Variants in AOX1 observed in about 807,000 individuals in gnomAD.
The protein encoded by AOX1 is aldehyde oxidase 1.
A neutral mutation model predicts 169.5 loss-of-function variants in AOX1; 153 were observed. The ratio of observed to expected loss-of-function variants is 0.90; its 90% confidence interval spans 0.79 to 1.03. The LOEUF (loss-of-function observed/expected upper bound fraction) is 1.03. Ranked by LOEUF, AOX1 falls within the 50% of genes least tolerant of loss-of-function variation. The pLI is 0.00. For synonymous variants in AOX1, 562 were observed against 581.9 expected (o/e 0.97, Z 0.49); for missense variants, 1,656 against 1,663.9 (o/e 1.00, Z 0.08).
At chr2:200,595,081 A>C (rs913841226) in intron 2 of AOX1, among the ~76,000 whole-genome samples, 191 bp from the exon 3 acceptor site, 2 of 152,214 alleles carry the variant, frequency 1.3e-5, no homozygotes, top group Admixed American at 1.3e-4. Flanking sequence ...AACACACAAA[A>C]GGAAATCAAG....
intron 14 of AOX1, 100 bp downstream of exon 14, chr2:200,612,893 TGTTCC>T: frequency 1.1e-6 from 1 of 903,588 alleles, no homozygotes; most frequent in Non-Finnish European, 1.7e-6. Context: ...AGAAGAAAAG[TGTTCC>T]ATACCTTTCT....
Position 200,613,003 on chromosome 2 carries a change from CGTGT to C in AOX1, c.1448+232_1448+235del, listed in dbSNP as rs745607427. On this transcript the variant is annotated intron_variant, in intron 14 of 34. Coordinates refer to ENST00000374700, the MANE Select transcript of AOX1 (RefSeq NM_001159.4). ...AAGTGGGAATTATATACTCTGTGTG[CGTGT>C]GTGTGTGTGTGTGTGTGTGTGAGAG... is the stretch of plus-strand genomic sequence containing the variant. Among the ~76,000 whole-genome samples the C allele has an allele frequency of 3.6e-3, 516 of 144,210 alleles. 2 individuals are homozygous for C. The highest frequency in any genetic ancestry group is 0.01 in the Middle Eastern group (3 of 286). 94.6% of individuals were successfully genotyped at this position (144,210 alleles called of 152,430 possible).
intron 12 of AOX1, among the ~76,000 whole-genome samples, 196 bp downstream of exon 12, chr2:200,609,610 T>TTTTG (rs367715404): frequency 6.6e-6 from 1 of 152,180 alleles, no homozygotes; most frequent in Non-Finnish European, 1.5e-5. Context: ...CTTTCTGGTT[T>TTTTG]TTTGTTTGTT....
chr2:200,638,310 C>T lies in AOX1; in HGVS notation c.2568+8C>T, dbSNP rs780306436. 1.2e-6 allele frequency: 2 copies of T among 1,612,038 alleles called. No individual in the cohort carries two copies. The highest frequency in any genetic ancestry group is 2.2e-5 in the South Asian group (2 of 91,008). Reference sequence around the variant, plus strand: ...TACCTTGGAAAGTACAAAGTGAGTACAAGAGGGCATGGAGGAAGGATTTAT... The same window carrying T: ...TACCTTGGAAAGTACAAAGTGAGTATAAGAGGGCATGGAGGAAGGATTTAT... On this transcript the variant is annotated splice_region_variant and intron_variant, in intron 23 of 34. Coordinates refer to ENST00000374700, the MANE Select transcript of AOX1 (RefSeq NM_001159.4).
chr2:200,619,488 C>T (rs945573989), intron 16 of AOX1, among the ~76,000 whole-genome samples: 3 of 152,198 alleles, frequency 2.0e-5, no homozygotes, highest in African/African-American at 7.2e-5. Context: ...GCAGGCCACT[C>T]CTCAGCCACA....
chr2:200,622,621 A>G (rs1427314502), intron 18 of AOX1, among the ~76,000 whole-genome samples: 1 of 152,172 alleles, frequency 6.6e-6, no homozygotes, highest in Admixed American at 6.5e-5. Context: ...CCTTTGCATA[A>G]ATGTTTACTA....
At chr2:200,600,129 C>T (rs1205178166) in intron 5 of AOX1, among the ~76,000 whole-genome samples, 2 of 152,186 alleles carry the variant, frequency 1.3e-5, no homozygotes, top group Non-Finnish European at 2.9e-5. Context: ...GTTACACCCC[C>T]AATAAGTGGA....
Position 200,595,328 on chromosome 2 carries a change from G to A in AOX1, c.160G>A (p.Val54Met). The change falls in exon 3 of 35, where the codon GTG becomes ATG. Residue 54 changes from valine (V) to methionine (M), a missense_variant. Transcript: ENST00000374700. ...CGGGGCGACT[V>M]MISRYNPITK... ...AGGAGGAGGCTGTGGTGCTTGTACA[G>A]TGATGATATCACGATACAACCCCAT... 6.2e-7 allele frequency: 1 copy of A among 1,613,026 alleles called. No homozygotes were observed. The highest frequency in any genetic ancestry group is 2.2e-5 in the East Asian group (1 of 44,874).
chr2:200,586,034 C>T lies in AOX1; in HGVS notation c.-75C>T, dbSNP rs1269385551. 6.6e-6 allele frequency: 10 copies of T among 1,522,122 alleles called. No homozygotes were observed. Among genetic ancestry groups the T allele is most frequent in the Admixed American group, 5.9e-5 (3 of 50,756 alleles). 94.3% of individuals were successfully genotyped at this position (1,522,122 alleles called of 1,614,324 possible). ...GCCCCACTCGGCGGGTCGGTGCCGC[C>T]GGGTCCCAGGTGCCCGCTACTTCCC... On this transcript the variant is annotated 5_prime_UTR_variant, in exon 1 of 35. Coordinates refer to ENST00000374700, the MANE Select transcript of AOX1 (RefSeq NM_001159.4).
At chr2:200,653,249 T>C (rs1014291389) in intron 26 of AOX1, among the ~76,000 whole-genome samples, 1 of 152,216 alleles carries the variant, frequency 6.6e-6, no homozygotes, top group African/African-American at 2.4e-5. Context: ...GAAGGCCACC[T>C]GGGAAACTGA....
intron 21 of AOX1, among the ~76,000 whole-genome samples, chr2:200,636,608 A>G (rs898735037): frequency 6.6e-6 from 1 of 152,196 alleles, no homozygotes; most frequent in Non-Finnish European, 1.5e-5. Flanking sequence ...GTACAAAAAT[A>G]TCTCACTGGT....
chr2:200,669,589 GGGGGTGTTCCT>G lies in AOX1; in HGVS notation c.3824_3834del (p.Leu1275ArgfsTer7), dbSNP rs1559264409. 1.9e-6 allele frequency: 3 copies of G among 1,613,942 alleles called. No individual in the cohort carries two copies. The highest frequency in any genetic ancestry group is 2.2e-5 in the East Asian group (1 of 44,866). On this transcript the variant is annotated frameshift_variant, in exon 34 of 35. Transcript: ENST00000374700. LOFTEE classifies it high-confidence loss of function. Reference sequence around the variant, plus strand: ...TTCCTTTCAAGGGTCTGGGAGAGTCGGGGGTGTTCCTGGGGTGTTCCGTGTTTTTCGCTATC... The same window carrying G: ...TTCCTTTCAAGGGTCTGGGAGAGTCGGGGGTGTTCCGTGTTTTTCGCTATC...
chr2:200,617,282 G>C (rs906407994), intron 16 of AOX1, among the ~76,000 whole-genome samples: 4 of 152,090 alleles, frequency 2.6e-5, no homozygotes, highest in African/African-American at 9.7e-5. Context: ...CACATTGCTA[G>C]AGCAACGTCA....
At chr2:200,654,956 C>T (rs1312355504) in intron 26 of AOX1, among the ~76,000 whole-genome samples, 1 of 152,208 alleles carries the variant, frequency 6.6e-6, no homozygotes. Context: ...ATCTGATAGA[C>T]ATGCTGTCTT....
chr2:200,659,350 G>A, intron 28 of AOX1, 57 bp downstream of exon 28: 1 of 1,564,016 alleles, frequency 6.4e-7, no homozygotes, highest in African/African-American at 1.4e-5. Flanking sequence ...CAAATACGTG[G>A]GTGGGTGGAG....
intron 15 of AOX1, among the ~76,000 whole-genome samples, chr2:200,615,439 C>G (rs1212090924): frequency 1.3e-5 from 2 of 152,200 alleles, no homozygotes; most frequent in Non-Finnish European, 2.9e-5. Flanking sequence ...TGACTCACTT[C>G]CCTCAGTCCT....
rs67071824 is a variant in AOX1 at position 200,657,161 on chromosome 2, C to CAAAAAAAAAAAAA, written c.3171+229_3171+230insAAAAAAAAAAAAA. ...GAACATAGGGAGATTCCATCTCTACCAAAAATATATATATATATATATATA... is the reference window on the plus strand; with the variant it reads ...GAACATAGGGAGATTCCATCTCTACCAAAAAAAAAAAAAAAAAATATATATATATATATATATA... On this transcript the variant is annotated intron_variant, in intron 27 of 34. Coordinates refer to ENST00000374700, the MANE Select transcript of AOX1 (RefSeq NM_001159.4). Among the ~76,000 whole-genome samples the CAAAAAAAAAAAAA allele has an allele frequency of 1.7e-4, 14 of 83,022 alleles. 1 individual carries two copies. The East Asian group carries it at 3.2e-3, about 19-fold the overall frequency. The allele number at this position is 83,022 out of a possible 152,430, so 54.5% of individuals were successfully genotyped here. A position where few individuals can be genotyped will look rare whatever the true frequency, so the allele number is the denominator to read the frequency against.
intron 22 of AOX1, 22 bp from the exon 23 acceptor site, chr2:200,638,193 A>G (rs2035277432): frequency 1.2e-6 from 2 of 1,610,482 alleles, no homozygotes; most frequent in African/African-American, 1.3e-5. Flanking sequence ...AGGTTACCTC[A>G]CTTACTTTTT....
chr2:200,647,612 C>T (rs1473027275), intron 25 of AOX1, among the ~76,000 whole-genome samples: 1 of 152,168 alleles, frequency 6.6e-6, no homozygotes, highest in Non-Finnish European at 1.5e-5. Context: ...CTTTGTGCTT[C>T]TTGTATTTGA....
Sources: gnomAD v4.1 joint callset for allele counts (sites outside exome capture counted in the v4.1 genomes callset) on GRCh38, gnomAD v4.1.1 for gene constraint, MANE v1.5 for transcripts, NCBI Gene and HGNC (gene_info 2026-07-23, HGNC 2026-07-21) for gene names.